The following TENM1 variants were observed in gnomAD, a reference collection of about 807,000 sequenced individuals.
The protein encoded by TENM1 is teneurin transmembrane protein 1, also known as teneurin-1.
Under a neutral mutation model 174.8 loss-of-function variants are expected in TENM1, and 35 were observed. That is an observed-to-expected ratio of 0.20 (90% CI 0.15 to 0.27). The LOEUF is 0.27. TENM1 is among the 10% of genes least tolerant of loss of function. The pLI is 1.00. For synonymous variants in TENM1, 781 were observed against 798.7 expected (o/e 0.98, Z 0.37); for missense variants, 1,633 against 2,130.1 (o/e 0.77, Z 4.59).
chrX:124,685,591 C>CTTTTTT (rs1282570082), intron 5 of TENM1, among the ~76,000 whole-genome samples: 1 of 99,465 alleles, frequency 1.0e-5, no homozygotes. Context: ...TGGAGTTTTG[C>CTTTTTT]TCTTGTTGCC....
At chrX:124,674,905 A>T (rs996742021) in intron 5 of TENM1, among the ~76,000 whole-genome samples, 11 of 111,776 alleles carry the variant, frequency 9.8e-5, no homozygotes, top group African/African-American at 3.6e-4. Flanking sequence ...GGAATAGTAG[A>T]TCTCATTTAG....
chrX:124,597,871 T>C (rs749192004), intron 11 of TENM1, among the ~76,000 whole-genome samples: 80 of 110,607 alleles, frequency 7.2e-4, no homozygotes, highest in African/African-American at 2.5e-3. Context: ...AAAGCAAAAA[T>C]GGACAAATGG....
the TENM1 span, among the ~76,000 whole-genome samples, chrX:125,133,229 C>A: frequency 7.2e-5 from 8 of 111,176 alleles, no homozygotes; most frequent in Admixed American, 3.8e-4. Context: ...CTCCTGACCT[C>A]GTTATCCGCC....
the TENM1 span, among the ~76,000 whole-genome samples, chrX:125,144,482 C>T: frequency 1.3e-4 from 14 of 111,501 alleles, no homozygotes; most frequent in Non-Finnish European, 2.1e-4. Flanking sequence ...AACAGCTAAG[C>T]ATTTCATGGC....
intron 25 of TENM1, among the ~76,000 whole-genome samples, chrX:124,412,248 G>C (rs915587138): frequency 8.8e-6 from 1 of 113,133 alleles, no homozygotes; most frequent in African/African-American, 3.2e-5. Context: ...TTGAGTGAGT[G>C]TGTGTGTGCA....
the TENM1 span, among the ~76,000 whole-genome samples, chrX:124,987,609 C>T: frequency 9.1e-6 from 1 of 110,346 alleles, no homozygotes; most frequent in Non-Finnish European, 1.9e-5. Flanking sequence ...AATAGAAACA[C>T]ACAAGAAAGG....
In TENM1 at chrX:124,494,220, G is replaced by A. The variant is rs184507177; in HGVS notation, c.3695+2796C>T. Among the ~76,000 whole-genome samples, 516 of 112,006 alleles carry A rather than the reference G, an allele frequency of 4.6e-3. 4 individuals carry two copies. Among genetic ancestry groups the A allele is most frequent in the African/African-American group, 0.016 (481 of 30,925 alleles). On this transcript the variant is annotated intron_variant, in intron 20 of 31. Transcript: ENST00000422452. ...TGATGATGCCATGCACATACAAGTT[G>A]CTCTGTCAATGTCTATGCTCTTCTA...
the TENM1 span, among the ~76,000 whole-genome samples, chrX:124,999,235 T>C: frequency 1.8e-5 from 2 of 111,323 alleles, no homozygotes; most frequent in African/African-American, 6.5e-5. Context: ...TATATTATAA[T>C]TAACAGGTTA....
intron 22 of TENM1, among the ~76,000 whole-genome samples, chrX:124,464,330 A>G (rs189460457): frequency 8.9e-6 from 1 of 112,192 alleles, no homozygotes; most frequent in South Asian, 3.7e-4. Flanking sequence ...AACTAAGTAT[A>G]CCTTGTCCCA....
chrX:125,009,546 T>G, the TENM1 span, among the ~76,000 whole-genome samples: 1 of 111,405 alleles, frequency 9.0e-6, no homozygotes, highest in Non-Finnish European at 1.9e-5. Flanking sequence ...GCCAGCATCA[T>G]CCTGATACCA....
At chrX:124,611,319 C>T (rs1415908626) in intron 11 of TENM1, among the ~76,000 whole-genome samples, 3 of 111,629 alleles carry the variant, frequency 2.7e-5, no homozygotes, top group African/African-American at 9.8e-5. Context: ...GAGCAAGTCA[C>T]GTGATGATGC....
At chrX:124,887,427 T>C (rs1333645221) in intron 3 of TENM1, among the ~76,000 whole-genome samples, 2 of 111,385 alleles carry the variant, frequency 1.8e-5, no homozygotes, top group Admixed American at 9.6e-5. Flanking sequence ...TTAACCTGAC[T>C]GTGTCTCAAG....
At chrX:124,966,035 C>A (rs2058721923), upstream of TENM1, among the ~76,000 whole-genome samples, 1 of 111,714 alleles carries the variant, frequency 9.0e-6, no homozygotes, top group Non-Finnish European at 1.9e-5. Context: ...ATTTTTGACT[C>A]CTGTTTTTCA....
chrX:125,082,808 CATAGT>C, the TENM1 span, among the ~76,000 whole-genome samples: 1 of 110,718 alleles, frequency 9.0e-6, no homozygotes, highest in Non-Finnish European at 1.9e-5. Flanking sequence ...TTTGTGTGTA[CATAGT>C]AGTTGTATAT....
chrX:124,951,636 T>TAA (rs1247140261), intron 1 of TENM1, among the ~76,000 whole-genome samples: 13 of 32,574 alleles, frequency 4.0e-4, no homozygotes, highest in Non-Finnish European at 8.3e-4. Context: ...TATGAAAAGT[T>TAA]AAAATATATA....
intron 1 of TENM1, among the ~76,000 whole-genome samples, chrX:124,917,565 A>G (rs1213423070): frequency 8.9e-6 from 1 of 112,023 alleles, no homozygotes; most frequent in Non-Finnish European, 1.9e-5. Context: ...CCACAGGACC[A>G]AAGAAAGCCT....
intron 23 of TENM1, among the ~76,000 whole-genome samples, chrX:124,427,192 AGGCCAG>A (rs1023433966): frequency 2.7e-5 from 3 of 112,292 alleles, no homozygotes; most frequent in African/African-American, 9.7e-5. Flanking sequence ...CTGGGAGCCG[AGGCCAG>A]GGCAGAGGCT....
intron 15 of TENM1, 70 bp downstream of exon 18, chrX:124,546,804 T>C: frequency 1.2e-6 from 1 of 857,102 alleles, no homozygotes; most frequent in South Asian, 2.3e-5. Context: ...CCTTAGAAGA[T>C]ATCTTCCTTT....
exon 30 of TENM1, chrX:124,383,819 T>C (rs923743840): frequency 1.7e-6 from 2 of 1,208,038 alleles, no homozygotes; most frequent in African/African-American, 1.8e-5. Context: ...AAGGAAATCA[T>C]AGAGTCCTCC....
Sources: allele counts gnomAD v4.1 joint callset (sites outside exome capture counted in the v4.1 genomes callset), GRCh38; gene constraint gnomAD v4.1.1; transcripts MANE v1.5; gene names NCBI Gene and HGNC (gene_info 2026-07-23, HGNC 2026-07-21).